KBTBD3: variants seen among roughly 807,000 people sequenced by gnomAD.
KBTBD3 encodes kelch repeat and BTB domain containing 3.
A neutral mutation model predicts 49.6 loss-of-function variants in KBTBD3; 38 were observed. The ratio of observed to expected loss-of-function variants is 0.77; its 90% confidence interval spans 0.59 to 1.00. The LOEUF (loss-of-function observed/expected upper bound fraction) is 1.00, where lower values mean the gene tolerates loss of function less well. Among genes scored for constraint, KBTBD3 ranks in the 50% least tolerant of loss-of-function variants. The pLI is 0.00. For missense variants in KBTBD3, 661 were observed against 712.0 expected, an observed-to-expected ratio of 0.93 and a Z score of 0.81; for synonymous variants, 214 against 250.4, an observed-to-expected ratio of 0.85 and a Z score of 1.37.
intron 2 of KBTBD3, among the ~76,000 whole-genome samples, chr11:106,069,429 C>G (rs1398261788): frequency 6.6e-6 from 1 of 151,424 alleles, no homozygotes; most frequent in African/African-American, 2.4e-5. Context: ...ACACGAAAAT[C>G]AATCATATTT....
At chr11:106,064,093 C>G (rs1229719564) in intron 2 of KBTBD3, among the ~76,000 whole-genome samples, 2 of 152,146 alleles carry the variant, frequency 1.3e-5, no homozygotes, top group East Asian at 3.8e-4. Context: ...AAGCAGCTCT[C>G]TAATAATTCC....
chr11:106,075,274 T>C (rs1861004864), intron 2 of KBTBD3, among the ~76,000 whole-genome samples: 1 of 152,236 alleles, frequency 6.6e-6, no homozygotes, highest in Non-Finnish European at 1.5e-5. Flanking sequence ...TTTAATATAG[T>C]TAAGCAAGTT....
Position 106,066,668 on chromosome 11 carries a change from G to A in KBTBD3, c.-12-7559C>T, listed in dbSNP as rs560961723. On this transcript the variant is annotated intron_variant, in intron 2 of 3. Transcript: ENST00000531837. The stretch of plus-strand genomic sequence containing the variant: ...GATAATACCAGCTAATATTTGGTGA[G>A]CCAGTAAGCTGTGCCACAGAGTTCA... Among the ~76,000 whole-genome samples the A allele has an allele frequency of 2.6e-5, 4 of 151,212 alleles. No homozygotes were observed. In the East Asian group the frequency reaches 5.8e-4, roughly 22 times the overall value.
In KBTBD3 at chr11:106,054,137, T is replaced by C. The variant is rs759087077; in HGVS notation, c.552A>G (p.Leu184=). 1 of 1,613,098 alleles carries C rather than the reference T, an allele frequency of 6.2e-7. No individual in the cohort carries two copies. The highest frequency in any genetic ancestry group is 1.3e-5 in the African/African-American group (1 of 75,014). Reference sequence around the variant, plus strand: ...TCTCTAAGAAATCACTGGATTTAAATAATAAAGAAAAGTGATGTTGTACAA... The same window carrying C: ...TCTCTAAGAAATCACTGGATTTAAACAATAAAGAAAAGTGATGTTGTACAA... ...LHFVQHHFSL[L]FKSSDFLEMN... The change falls in exon 4 of 4, where the codon TTA becomes TTG. Residue 184 remains leucine, a synonymous_variant. Coordinates refer to ENST00000531837, the MANE Select transcript of KBTBD3 (RefSeq NM_198439.3).
chr11:106,074,651 G>A lies in KBTBD3; in HGVS notation c.-13+1856C>T, dbSNP rs1272724128. Among the ~76,000 whole-genome samples the A allele has an allele frequency of 2.6e-5, 4 of 152,278 alleles. No individual in the cohort carries two copies. In the East Asian group the frequency reaches 5.8e-4, roughly 22 times the overall value. Reference sequence around the variant, plus strand: ...GCTCTGAAAGCAAGTTGTGCTTATGGCATAGAAGACATTGGAAGAGAGTGC... The same window carrying A: ...GCTCTGAAAGCAAGTTGTGCTTATGACATAGAAGACATTGGAAGAGAGTGC... On this transcript the variant is annotated intron_variant, in intron 2 of 3. Transcript: ENST00000531837.
At chr11:106,062,389 A>G (rs1397496510) in intron 2 of KBTBD3, among the ~76,000 whole-genome samples, 1 of 152,210 alleles carries the variant, frequency 6.6e-6, no homozygotes, top group African/African-American at 2.4e-5. Context: ...CCCAAGATCT[A>G]CAACTAGTTA....
At chr11:106,069,921 G>A (rs1860886247) in intron 2 of KBTBD3, among the ~76,000 whole-genome samples, 1 of 152,054 alleles carries the variant, frequency 6.6e-6, no homozygotes, top group Admixed American at 6.6e-5. Context: ...ACATAGATCA[G>A]TGGAATGCAA....
At position 106,051,412 on chromosome 11, in the gene KBTBD3, C is replaced by T. The variant is rs1860416311; in HGVS notation, c.*1438G>A. ...ATATTCCATTCTGTTTTGAAAAATACATTTGGAACTTATCGTTGCATAAAT... is the reference window on the plus strand; with the variant it reads ...ATATTCCATTCTGTTTTGAAAAATATATTTGGAACTTATCGTTGCATAAAT... On this transcript the variant is annotated 3_prime_UTR_variant, in exon 4 of 4. Transcript: ENST00000531837. The T allele has an allele frequency of 6.6e-6, 1 of 151,894 alleles. No homozygotes were observed. The highest frequency in any genetic ancestry group is 2.4e-5 in the African/African-American group (1 of 41,406). 9.4% of individuals were successfully genotyped at this position (151,894 alleles called of 1,614,324 possible). A position where few individuals can be genotyped will look rare whatever the true frequency, so the allele number is the denominator to read the frequency against.
intron 3 of KBTBD3, among the ~76,000 whole-genome samples, chr11:106,055,065 C>T (rs1359811118): frequency 6.6e-6 from 1 of 151,924 alleles, no homozygotes; most frequent in Admixed American, 6.6e-5. Flanking sequence ...TGTACCACAT[C>T]AAGCAAAAAG....
chr11:106,061,018 C>T (rs1291132666), intron 2 of KBTBD3, among the ~76,000 whole-genome samples: 1 of 152,208 alleles, frequency 6.6e-6, no homozygotes, highest in Non-Finnish European at 1.5e-5. Context: ...TATGACACTT[C>T]TCAAAAGAAG....
At chr11:106,071,540 TAAAG>T (rs1006131230) in intron 2 of KBTBD3, among the ~76,000 whole-genome samples, 2 of 152,108 alleles carry the variant, frequency 1.3e-5, no homozygotes, top group African/African-American at 4.8e-5. Flanking sequence ...TAAAATAATA[TAAAG>T]AATCACAGAT....
At chr11:106,063,348 C>T (rs1303355156) in intron 2 of KBTBD3, among the ~76,000 whole-genome samples, 1 of 152,252 alleles carries the variant, frequency 6.6e-6, no homozygotes, top group Non-Finnish European at 1.5e-5. Flanking sequence ...TTGCTGGTCA[C>T]ACTGCTGGAG....
intron 2 of KBTBD3, among the ~76,000 whole-genome samples, chr11:106,072,948 A>C (rs941388347): frequency 7.2e-5 from 11 of 152,260 alleles, no homozygotes; most frequent in African/African-American, 2.7e-4. Flanking sequence ...CAAATAAATA[A>C]TTATACATTT....
At chr11:106,072,142 T>G (rs2135023610) in intron 2 of KBTBD3, among the ~76,000 whole-genome samples, 1 of 152,286 alleles carries the variant, frequency 6.6e-6, no homozygotes, top group East Asian at 1.9e-4. Context: ...ATCAGTGTGT[T>G]GGAAGAAAAC....
In KBTBD3 at chr11:106,051,528, A is replaced by G. The variant is rs947862635; in HGVS notation, c.*1322T>C. Reference sequence around the variant, plus strand: ...ATGTGCACATTTGAGAAAGATTAACATTTACAACTGAGTGTAGAAAACTAC... The same window carrying G: ...ATGTGCACATTTGAGAAAGATTAACGTTTACAACTGAGTGTAGAAAACTAC... On this transcript the variant is annotated 3_prime_UTR_variant, in exon 4 of 4. Transcript: ENST00000531837. The G allele has an allele frequency of 2.6e-5, 4 of 151,954 alleles. No homozygotes were observed. Among genetic ancestry groups the G allele is most frequent in the Non-Finnish European group, 4.4e-5 (3 of 67,858 alleles). 9.4% of individuals were successfully genotyped at this position (151,954 alleles called of 1,614,324 possible).
rs559195506 is a variant in KBTBD3, at chr11:106,077,123, T to C, written c.-214+189A>G. On this transcript the variant is annotated intron_variant, in intron 1 of 3. Coordinates refer to ENST00000531837, the MANE Select transcript of KBTBD3 (RefSeq NM_198439.3). ...GGCAGGGAAAGAAGGAACTCAGGGC[T>C]GATGCGTTGCACAACTGCAGGGGGC... Among the ~76,000 whole-genome samples the C allele has an allele frequency of 2.0e-3, 309 of 152,260 alleles. 2 individuals carry two copies. The highest frequency in any genetic ancestry group is 7.3e-3 in the African/African-American group (303 of 41,564).
rs759469336 is a variant in KBTBD3, at chr11:106,053,474, T to C, written c.1215A>G (p.Leu405=). Residue 405 remains leucine (L), a synonymous_variant, in exon 4 of 4, where the codon TTA becomes TTG. Coordinates refer to ENST00000531837, the MANE Select transcript of KBTBD3 (RefSeq NM_198439.3). ...CTCTAGTTTTTCCACCTATGACAAA[T>C]AATCTATCGAGAGCCATAACTGATG... ...MHTSVMALDR[L]FVIGGKTRGS... 1.2e-6 allele frequency: 2 copies of C among 1,613,718 alleles called. No homozygotes were observed. Among genetic ancestry groups the C allele is most frequent in the South Asian group, 2.2e-5 (2 of 91,058 alleles).
intron 2 of KBTBD3, among the ~76,000 whole-genome samples, chr11:106,061,247 T>C (rs763214817): frequency 3.9e-5 from 6 of 152,176 alleles, no homozygotes; most frequent in Non-Finnish European, 7.4e-5. Flanking sequence ...GTAGTCCAAA[T>C]TGTCCTACAG....
At chr11:106,063,754 A>T (rs1860750784) in intron 2 of KBTBD3, among the ~76,000 whole-genome samples, 1 of 152,062 alleles carries the variant, frequency 6.6e-6, no homozygotes, top group African/African-American at 2.4e-5. Flanking sequence ...AACATGGTGA[A>T]ACCCCTTCTC....
Sources: gnomAD v4.1 joint callset for allele counts (sites outside exome capture counted in the v4.1 genomes callset) on GRCh38, gnomAD v4.1.1 for gene constraint, MANE v1.5 for transcripts, NCBI Gene and HGNC (gene_info 2026-07-23, HGNC 2026-07-21) for gene names.